Variants in CDK14 observed in about 807,000 individuals in gnomAD.
CDK14 encodes cyclin dependent kinase 14.
CDK14 carries 34 observed loss-of-function variants against 60.7 expected under a neutral mutation model. The observed-to-expected ratio is 0.56, with a 90% CI of 0.43 to 0.75. The LOEUF is 0.75. CDK14 is among the 30% of genes least tolerant of loss of function. CDK14 has a pLI of 0.00. For missense variants in CDK14, 482 were observed against 564.1 expected (o/e 0.85, Z 1.47); for synonymous variants, 197 against 203.7 (o/e 0.97, Z 0.28).
At chr7:91,100,029 C>T (rs183745824) in intron 12 of CDK14, among the ~76,000 whole-genome samples, 3 of 152,168 alleles carry the variant, frequency 2.0e-5, no homozygotes. Context: ...TTGCTGTTTA[C>T]TGCTTTGTTG....
chr7:90,903,819 C>T (rs1792602397), intron 7 of CDK14, among the ~76,000 whole-genome samples: 1 of 151,916 alleles, frequency 6.6e-6, no homozygotes, highest in South Asian at 2.1e-4. Context: ...GCTGGGCTCC[C>T]CAAAATATGT....
At chr7:90,711,886 T>C (rs199944840) in intron 2 of CDK14, among the ~76,000 whole-genome samples, 22,550 of 142,208 alleles carry the variant, frequency 0.16, 1,866 homozygotes, top group South Asian at 0.18. Flanking sequence ...TCTACTATGT[T>C]TTTTTTTTTT....
chr7:90,765,740 GAA>G (rs1409602191), intron 4 of CDK14, among the ~76,000 whole-genome samples: 2 of 151,962 alleles, frequency 1.3e-5, no homozygotes, highest in Non-Finnish European at 2.9e-5. Flanking sequence ...GGCAGGGAAA[GAA>G]AAGAGAACTA....
chr7:91,171,488 G>C (rs567370558), intron 14 of CDK14, among the ~76,000 whole-genome samples: 1 of 152,214 alleles, frequency 6.6e-6, no homozygotes, highest in South Asian at 2.1e-4. Flanking sequence ...TAATATTGGA[G>C]AAAATACCAC....
At chr7:91,203,927 G>A (rs886449999) in intron 14 of CDK14, among the ~76,000 whole-genome samples, 10 of 152,168 alleles carry the variant, frequency 6.6e-5, no homozygotes, top group African/African-American at 2.2e-4. Flanking sequence ...TGTAGAGCAC[G>A]TTCTTCGTTT....
chr7:90,892,991 G>A (rs1792185429), intron 6 of CDK14, among the ~76,000 whole-genome samples: 1 of 152,102 alleles, frequency 6.6e-6, no homozygotes. Flanking sequence ...TGTTAGCCAG[G>A]ATGATCTCTA....
At chr7:91,096,065 C>CA (rs112016367) in intron 12 of CDK14, among the ~76,000 whole-genome samples, 32,253 of 64,514 alleles carry the variant, frequency 0.5, 6,397 homozygotes, top group Middle Eastern at 0.59. Flanking sequence ...CACAATTTGC[C>CA]AAAAAAAAAA....
At chr7:90,753,812 CA>C (rs1197317206) in intron 4 of CDK14, among the ~76,000 whole-genome samples, 1 of 151,996 alleles carries the variant, frequency 6.6e-6, no homozygotes, top group Non-Finnish European at 1.5e-5. Context: ...GTATAAAATC[CA>C]GCATTATTTC....
At chr7:90,954,582 G>A (rs1342830149) in intron 8 of CDK14, among the ~76,000 whole-genome samples, 1 of 149,900 alleles carries the variant, frequency 6.7e-6, no homozygotes, top group Non-Finnish European at 1.5e-5. Flanking sequence ...GGTAACCACT[G>A]AAGACATTTA....
chr7:91,056,281 C>T (rs901271620), intron 11 of CDK14, among the ~76,000 whole-genome samples: 1 of 152,104 alleles, frequency 6.6e-6, no homozygotes, highest in Admixed American at 6.5e-5. Context: ...AGATTCGTGA[C>T]TAAGTGGTTG....
At chr7:90,622,014 G>T (rs1320482118) in intron 2 of CDK14, among the ~76,000 whole-genome samples, 1 of 152,160 alleles carries the variant, frequency 6.6e-6, no homozygotes, top group East Asian at 1.9e-4. Context: ...TGATGATTGG[G>T]TTACATTTAC....
chr7:91,015,497 C>T (rs1796274059), intron 10 of CDK14, among the ~76,000 whole-genome samples: 1 of 150,350 alleles, frequency 6.7e-6, no homozygotes, highest in Non-Finnish European at 1.5e-5. Flanking sequence ...TTGGGTCTCC[C>T]TACCCCAGCA....
At chr7:90,730,379 G>C (rs572744648) in intron 3 of CDK14, among the ~76,000 whole-genome samples, 8 of 152,296 alleles carry the variant, frequency 5.3e-5, no homozygotes, top group African/African-American at 1.9e-4. Context: ...CCAGTAATGG[G>C]ATTGCTGGGT....
At chr7:90,674,271 T>C (rs1352534089) in intron 2 of CDK14, among the ~76,000 whole-genome samples, 1 of 151,890 alleles carries the variant, frequency 6.6e-6, no homozygotes, top group Non-Finnish European at 1.5e-5. Flanking sequence ...TCAACTAGAG[T>C]AGGATCATTA....
intron 2 of CDK14, among the ~76,000 whole-genome samples, chr7:90,652,703 A>G (rs1313225466): frequency 6.6e-6 from 1 of 152,198 alleles, no homozygotes; most frequent in African/African-American, 2.4e-5. Flanking sequence ...CACTTTATTT[A>G]TGTTGTCTTC....
At chr7:91,032,037 C>G (rs1217550274) in intron 10 of CDK14, among the ~76,000 whole-genome samples, 1 of 152,182 alleles carries the variant, frequency 6.6e-6, no homozygotes, top group Non-Finnish European at 1.5e-5. Flanking sequence ...TAGTCTTTTA[C>G]CAGACAGCAG....
intron 11 of CDK14, among the ~76,000 whole-genome samples, chr7:91,068,872 TG>T (rs1232740513): frequency 6.8e-6 from 1 of 146,290 alleles, no homozygotes; most frequent in East Asian, 2.1e-4. Flanking sequence ...CAAACCCTTC[TG>T]CCTGTCTCTG....
intron 2 of CDK14, among the ~76,000 whole-genome samples, chr7:90,687,479 G>T (rs1801460652): frequency 6.6e-6 from 1 of 152,072 alleles, no homozygotes; most frequent in South Asian, 2.1e-4. Context: ...ATAGAAGATG[G>T]AAAAGGAGGG....
intron 14 of CDK14, among the ~76,000 whole-genome samples, chr7:91,130,784 G>T (rs1240659852): frequency 6.6e-6 from 1 of 152,060 alleles, no homozygotes; most frequent in Non-Finnish European, 1.5e-5. Context: ...AATCTTAGGG[G>T]CTGTGACTTT....
Sources: gnomAD v4.1 joint callset for allele counts (sites outside exome capture counted in the v4.1 genomes callset) on GRCh38, gnomAD v4.1.1 for gene constraint, MANE v1.5 for transcripts, NCBI Gene and HGNC (gene_info 2026-07-23, HGNC 2026-07-21) for gene names.